The following CLSTN3 variants were observed in gnomAD, a reference collection of about 807,000 sequenced individuals.
CLSTN3 encodes the protein calsyntenin-3.
In CLSTN3, 36 loss-of-function variants were observed where a neutral mutation model predicts 95.9. That is an observed-to-expected ratio of 0.38 (90% CI 0.29 to 0.50). The LOEUF (loss-of-function observed/expected upper bound fraction) is 0.50. Among genes scored for constraint, CLSTN3 ranks in the 20% least tolerant of loss-of-function variants. The probability of loss-of-function intolerance (pLI) is 0.95; values close to 1 mark genes in which losing one functional copy is unlikely to be tolerated. For synonymous variants in CLSTN3, 481 were observed against 504.0 expected (o/e 0.95, Z 0.61); for missense variants, 1,084 against 1,268.8 (o/e 0.85, Z 2.21).
Position 7,130,451 on chromosome 12 carries a change from A to G in CLSTN3, c.-198A>G. Reference sequence around the variant, plus strand: ...GGAAACGGGAAGCCGCTGCAAGTCCACCGCCTCAGCTACCCAGATTGGGAT... The same window carrying G: ...GGAAACGGGAAGCCGCTGCAAGTCCGCCGCCTCAGCTACCCAGATTGGGAT... On this transcript the variant is annotated 5_prime_UTR_variant, in exon 1 of 18. Transcript: ENST00000266546. 6.8e-7 allele frequency: 1 copy of G among 1,465,810 alleles called. No homozygotes were observed. The highest frequency in any genetic ancestry group is 1.4e-5 in the South Asian group (1 of 73,224). The allele number at this position is 1,465,810 out of a possible 1,614,324, so 90.8% of individuals were successfully genotyped here. A position where few individuals can be genotyped will look rare whatever the true frequency, so the allele number is the denominator to read the frequency against.
In CLSTN3 at chr12:7,138,036, G is replaced by A. The variant is rs756068728; in HGVS notation, c.1292G>A (p.Arg431His). 2.9e-5 allele frequency: 47 copies of A among 1,613,494 alleles called. No individual in the cohort carries two copies. The Admixed American group carries it at 4.0e-4, about 14-fold the overall frequency. Residue 431 changes from arginine (R) to histidine (H), a missense_variant, in exon 8 of 18, where the codon CGC (arginine) becomes CAC (histidine). Physicochemically the swap from Arg to His is conservative, Grantham distance 29. Coordinates refer to ENST00000266546, the MANE Select transcript of CLSTN3 (RefSeq NM_014718.4). ...FLYWPLLESARPVKFLWKLEQ... is the reference protein window; with the variant it reads ...FLYWPLLESAHPVKFLWKLEQ... Reference sequence around the variant, plus strand: ...TACTGGCCCCTGCTTGAGAGTGCCCGCCCAGTCAAGTTCCTCTGGAAGCTG... The same window carrying A: ...TACTGGCCCCTGCTTGAGAGTGCCCACCCAGTCAAGTTCCTCTGGAAGCTG...
At chr12:7,132,935 G>A (rs760944012) in intron 1 of CLSTN3, 89 bp from the exon 2 acceptor site, 25 of 1,572,796 alleles carry the variant, frequency 1.6e-5, no homozygotes, top group South Asian at 3.4e-5. Flanking sequence ...TGGTGCTGGG[G>A]TGTGAGTTGT....
At position 7,157,238 on chromosome 12, in the gene CLSTN3, T is replaced by G. The variant is rs1321406598; in HGVS notation, c.2528-251T>G. On this transcript the variant is annotated intron_variant, in intron 16 of 17. Transcript: ENST00000266546. This position sits in a 1 kb window ranked among gnomAD's most constrained non-coding sequence, Gnocchi z 5.9. ...TTTTCCTCCTCTGCCCTTGCCTCTC[T>G]GTACACCTGCCTCCCTCTGTGTTTG... Among the ~76,000 whole-genome samples, 1 of 152,204 alleles carries G rather than the reference T, an allele frequency of 6.6e-6. No homozygotes were observed. The highest frequency in any genetic ancestry group is 1.9e-4 in the East Asian group (1 of 5,196).
chr12:7,151,267 G>C, intron 16 of CLSTN3: 2 of 534,366 alleles, frequency 3.7e-6, no homozygotes, highest in Non-Finnish European at 6.2e-6. Context: ...TGAAGAACAT[G>C]AGCCTTGTGT....
intron 5 of CLSTN3, 24 bp from the exon 6 acceptor site, chr12:7,136,181 CA>C (rs1335713964): frequency 1.9e-6 from 3 of 1,607,328 alleles, no homozygotes; most frequent in Admixed American, 1.7e-5. Flanking sequence ...CTCTCCCCAT[CA>C]CCCTCTCTGT....
At chr12:7,156,584 G>C in intron 16 of CLSTN3, 1 of 456,730 alleles carries the variant, frequency 2.2e-6, no homozygotes. Context: ...CAGCATGCAG[G>C]CTGGCAAAGG....
In CLSTN3 at chr12:7,137,233, GC is replaced by G; in HGVS notation, c.1210+125del. 1.0e-6 allele frequency: 1 copy of G among 969,558 alleles called. No homozygotes were observed. The highest frequency in any genetic ancestry group is 1.5e-6 in the Non-Finnish European group (1 of 664,600). The allele number at this position is 969,558 out of a possible 1,614,324, so 60.1% of individuals were successfully genotyped here. A position where few individuals can be genotyped will look rare whatever the true frequency, so the allele number is the denominator to read the frequency against. On this transcript the variant is annotated intron_variant, in intron 7 of 17. Coordinates refer to ENST00000266546, the MANE Select transcript of CLSTN3 (RefSeq NM_014718.4). This position sits in a 1 kb window ranked among gnomAD's most constrained non-coding sequence, Gnocchi z 4.4. ...CTCTCTTCATTTGTGAGGTGCAAGT[GC>G]CAGGTGTGATATGCCTTGATTCTGT...
At chr12:7,134,955 G>A (rs1939375712) in intron 3 of CLSTN3, among the ~76,000 whole-genome samples, 1 of 152,128 alleles carries the variant, frequency 6.6e-6, no homozygotes, top group South Asian at 2.1e-4. Flanking sequence ...CCTGTGGGGT[G>A]GGGAGGAGCG....
chr12:7,134,935 A>G (rs1939375278), intron 3 of CLSTN3, among the ~76,000 whole-genome samples: 2 of 152,118 alleles, frequency 1.3e-5, no homozygotes, highest in South Asian at 4.1e-4. Context: ...ACTTTGATGC[A>G]GCTTGGTGCC....
chr12:7,136,189 C>T lies in CLSTN3; in HGVS notation c.743-17C>T. On this transcript the variant is annotated splice_polypyrimidine_tract_variant and intron_variant, in intron 5 of 17. Transcript: ENST00000266546. ...CCCTTCTCTCTCCCCATCACCCTCT[C>T]TGTCTCACCCATGCAGGCTGGAACA... 6.2e-7 allele frequency: 1 copy of T among 1,610,734 alleles called. No homozygotes were observed. The highest frequency in any genetic ancestry group is 1.1e-5 in the South Asian group (1 of 90,476).
intron 1 of CLSTN3, among the ~76,000 whole-genome samples, chr12:7,131,594 C>T (rs1939302422): frequency 6.6e-6 from 1 of 151,970 alleles, no homozygotes; most frequent in Non-Finnish European, 1.5e-5. Flanking sequence ...AGGGAGCAAA[C>T]GCAGAGACCG....
chr12:7,155,522 C>A (rs1367046122), intron 16 of CLSTN3, among the ~76,000 whole-genome samples: 1 of 152,222 alleles, frequency 6.6e-6, no homozygotes, highest in East Asian at 1.9e-4. Context: ...GGGTCACCAC[C>A]CCTTCTGGAG....
chr12:7,134,525 G>T (rs746411649), intron 3 of CLSTN3, among the ~76,000 whole-genome samples: 2 of 152,234 alleles, frequency 1.3e-5, no homozygotes, highest in Non-Finnish European at 2.9e-5. Context: ...TTGGCCTGGG[G>T]CAGGGCTCAG....
chr12:7,154,984 C>G (rs188107108), intron 16 of CLSTN3, among the ~76,000 whole-genome samples: 1 of 152,266 alleles, frequency 6.6e-6, no homozygotes, highest in Admixed American at 6.5e-5. Flanking sequence ...TTCTGAGAGC[C>G]GTGATAGGAG....
rs760117646 is a variant in CLSTN3, at chr12:7,142,920, G to C, written c.1592G>C (p.Ser531Thr). 1 of 1,614,100 alleles carries C rather than the reference G, an allele frequency of 6.2e-7. No individual in the cohort carries two copies. Among genetic ancestry groups the C allele is most frequent in the Non-Finnish European group, 8.5e-7 (1 of 1,179,998 alleles). ...HYFHGYLAGF[S>T]VRSGRLESRE... ...TTCCATGGCTACCTGGCTGGTTTCA[G>C]CGTGCGCTCAGGTCGCCTGGAGAGC... The change falls in exon 11 of 18, where the codon AGC becomes ACC. Residue 531 changes from serine (S) to threonine (T), a missense_variant. Ser to Thr is a moderately conservative substitution (Grantham distance 58). Transcript: ENST00000266546.
At position 7,157,791 on chromosome 12, in the gene CLSTN3, C is replaced by A. The variant is rs754099822; in HGVS notation, c.2730+100C>A. ...GGCAGGCCTGGGTGGAGGCTGTTCG[C>A]AGAGCTGCAGTGAGCCGGAGGGAGA... On this transcript the variant is annotated intron_variant, in intron 17 of 17. Transcript: ENST00000266546. This position sits in a 1 kb window ranked among gnomAD's most constrained non-coding sequence, Gnocchi z 5.9. 53 of 1,492,078 alleles carry A rather than the reference C, an allele frequency of 3.6e-5. No homozygotes were observed. The highest frequency in any genetic ancestry group is 2.0e-4 in the Middle Eastern group (1 of 4,904). The allele number at this position is 1,492,078 out of a possible 1,614,324, so 92.4% of individuals were successfully genotyped here. A position where few individuals can be genotyped will look rare whatever the true frequency, so the allele number is the denominator to read the frequency against.
rs901913317 is a variant in CLSTN3, at chr12:7,141,744, G to A, written c.1486+340G>A. ...CTCAAGGAGAGTAACCCCTTAGAGT[G>A]TCCTCGGTCTTCCAACTTTTAAGCC... On this transcript the variant is annotated intron_variant, in intron 9 of 17. Coordinates refer to ENST00000266546, the MANE Select transcript of CLSTN3 (RefSeq NM_014718.4). The surrounding 1 kb of genome is among the most constrained non-coding windows in gnomAD (Gnocchi z 4.1). Among the ~76,000 whole-genome samples the A allele has an allele frequency of 6.6e-6, 1 of 152,162 alleles. No individual in the cohort carries two copies. Among genetic ancestry groups the A allele is most frequent in the African/African-American group, 2.4e-5 (1 of 41,428 alleles).
intron 4 of CLSTN3, 41 bp from the exon 5 acceptor site, chr12:7,135,763 C>T (rs775908469): frequency 6.4e-7 from 1 of 1,559,782 alleles, no homozygotes; most frequent in East Asian, 2.3e-5. Flanking sequence ...CCTGGGCTTT[C>T]TCCAATGCTC....
In CLSTN3 at chr12:7,149,106, C is replaced by G; in HGVS notation, c.1982C>G (p.Thr661Ser). ...CGCCCAGCTGTGGACTTTGAGGGAA[C>G]CAACGGCGTCCCTTTGTTCCCTGAT... ...FARPAVDFEG[T>S]NGVPLFPDLQ... Residue 661 changes from threonine (T) to serine (S), a missense_variant, in exon 13 of 18, where the codon ACC (threonine) becomes AGC (serine). By Grantham distance (58) the Thr-to-Ser change is moderately conservative. Coordinates refer to ENST00000266546, the MANE Select transcript of CLSTN3 (RefSeq NM_014718.4). This position sits in a 1 kb window ranked among gnomAD's most constrained non-coding sequence, Gnocchi z 4.5. The G allele has an allele frequency of 3.1e-6, 5 of 1,614,214 alleles. No homozygotes were observed. Among genetic ancestry groups the G allele is most frequent in the Non-Finnish European group, 4.2e-6 (5 of 1,180,036 alleles).
Sources: allele counts gnomAD v4.1 joint callset (sites outside exome capture counted in the v4.1 genomes callset), GRCh38; gene constraint gnomAD v4.1.1; non-coding constraint Gnocchi (gnomAD v3.1); transcripts MANE v1.5; gene names NCBI Gene and HGNC (gene_info 2026-07-23, HGNC 2026-07-21).